Variants in ABCC11 observed in about 807,000 individuals in gnomAD.
ABCC11 encodes ATP-binding cassette sub-family C member 11.
Under a neutral mutation model 149.3 loss-of-function variants are expected in ABCC11, and 135 were observed. That is an observed-to-expected ratio of 0.90 (90% CI 0.79 to 1.04). The LOEUF (loss-of-function observed/expected upper bound fraction) is 1.04, where lower values mean the gene tolerates loss of function less well. ABCC11 is among the 50% of genes least tolerant of loss of function. The pLI, the probability that ABCC11 is intolerant of heterozygous loss-of-function variation, is 0.00. For synonymous variants in ABCC11, 665 were observed against 671.4 expected (o/e 0.99, Z 0.15); for missense variants, 1,680 against 1,722.1 (o/e 0.98, Z 0.43).
At position 48,211,154 on chromosome 16, in the gene ABCC11, G is replaced by T; in HGVS notation, c.1402C>A (p.Gln468Lys). Residue 468 changes from glutamine (Q) to lysine (K), a missense_variant, in exon 11 of 30, where the codon CAA becomes AAA. Gln to Lys is a moderately conservative substitution (Grantham distance 53, BLOSUM62 1). Coordinates refer to ENST00000356608, the MANE Select transcript of ABCC11 (RefSeq NM_001370497.1). ...ESPVFYVQTL[Q>K]DPSKALVFEE... ...AAGACCAGAGCTTTGCTGGGGTCTT[G>T]TAATGTCTGGACATAGAAAACAGGG... The T allele has an allele frequency of 6.2e-7, 1 of 1,614,178 alleles. No homozygotes were observed. The highest frequency in any genetic ancestry group is 1.1e-5 in the South Asian group (1 of 91,082).
rs374002009 is a variant in ABCC11, at chr16:48,211,028, G to T, written c.1528C>A (p.Pro510Thr). ...NGHASEGMTR[P>T]RDALGPEEEG... is the part of the protein sequence containing the mutation. The stretch of plus-strand genomic sequence containing the variant: ...TCCTCTGGCCCGAGGGCATCTCTAG[G>T]CCTGGTCATCCCCTCAGAAGCATGC... Residue 510 changes from proline to threonine, a missense_variant, in exon 11 of 30, where the codon CCT becomes ACT. Pro to Thr is a conservative substitution (Grantham distance 38). Transcript: ENST00000356608. 3.1e-6 allele frequency: 5 copies of T among 1,614,044 alleles called. No individual in the cohort carries two copies. Among genetic ancestry groups the T allele is most frequent in the Non-Finnish European group, 4.2e-6 (5 of 1,180,038 alleles).
intron 9 of ABCC11, among the ~76,000 whole-genome samples, chr16:48,213,870 G>A (rs1969120289): frequency 6.6e-6 from 1 of 152,138 alleles, no homozygotes; most frequent in Non-Finnish European, 1.5e-5. Flanking sequence ...AATAAAGTTG[G>A]GAAAAAACAA....
chr16:48,198,692 G>A (rs1056313496), intron 15 of ABCC11, among the ~76,000 whole-genome samples: 1 of 150,496 alleles, frequency 6.6e-6, no homozygotes, highest in South Asian at 2.1e-4. Context: ...TCATCTTGGA[G>A]AAATAAATTC....
intron 1 of ABCC11, among the ~76,000 whole-genome samples, chr16:48,236,282 GA>G (rs1316208051): frequency 1.3e-5 from 2 of 152,124 alleles, no homozygotes; most frequent in Non-Finnish European, 2.9e-5. Flanking sequence ...TATCTGACAA[GA>G]ATATTCTCCT....
At chr16:48,236,656 A>G (rs1040702023) in intron 1 of ABCC11, among the ~76,000 whole-genome samples, 1 of 152,236 alleles carries the variant, frequency 6.6e-6, no homozygotes, top group Non-Finnish European at 1.5e-5. Flanking sequence ...AAAGCCACAC[A>G]GTCACGAAAG....
rs1247908688 is a variant in ABCC11 at position 48,222,775 on chromosome 16, G to A, written c.600C>T (p.Val200=). The part of the protein sequence containing the change: ...EYSEEQLGNV[V]HGVGLCFALF... ...GGGCAAAGCAGAGTCCCACTCCATG[G>A]ACAACATTCCCCAACTGCTCTTCTG... The change falls in exon 6 of 30, where the codon GTC becomes GTT. Residue 200 remains valine, a synonymous_variant. Transcript: ENST00000356608. The A allele has an allele frequency of 2.5e-6, 4 of 1,614,178 alleles. No homozygotes were observed. Among genetic ancestry groups the A allele is most frequent in the Middle Eastern group, 1.6e-4 (1 of 6,062 alleles).
intron 12 of ABCC11, among the ~76,000 whole-genome samples, chr16:48,206,513 T>C (rs1968464176): frequency 6.6e-6 from 1 of 152,240 alleles, no homozygotes; most frequent in African/African-American, 2.4e-5. Flanking sequence ...TGGGACCTCA[T>C]CATTCTTAAT....
intron 1 of ABCC11, among the ~76,000 whole-genome samples, chr16:48,236,085 T>C (rs982325130): frequency 7.9e-5 from 12 of 152,214 alleles, no homozygotes; most frequent in African/African-American, 2.9e-4. Flanking sequence ...TAGATCTTAC[T>C]CCTCCTGTAC....
Position 48,200,392 on chromosome 16 carries a change from G to A in ABCC11, c.1966C>T (p.Leu656=). The part of the protein sequence containing the change: ...RAVYSDRQIY[L]LDDPLSAVDA... ...ACAGCAGACAGGGGGTCGTCCAGCAGGTAGATCTGACGGTCGGAATAGACG... is the reference window on the plus strand; with the variant it reads ...ACAGCAGACAGGGGGTCGTCCAGCAAGTAGATCTGACGGTCGGAATAGACG... Residue 656 remains leucine, a synonymous_variant, in exon 15 of 30, where the codon CTG becomes TTG. Coordinates refer to ENST00000356608, the MANE Select transcript of ABCC11 (RefSeq NM_001370497.1). The A allele has an allele frequency of 6.2e-7, 1 of 1,614,262 alleles. No homozygotes were observed. The highest frequency in any genetic ancestry group is 8.5e-7 in the Non-Finnish European group (1 of 1,180,038).
At chr16:48,194,116 G>T in intron 18 of ABCC11, 134 bp from the exon 19 acceptor site, 1 of 601,470 alleles carries the variant, frequency 1.7e-6, no homozygotes, top group Non-Finnish European at 2.9e-6. Context: ...CACCTTGGAG[G>T]AATGGGAAGA....
chr16:48,180,862 C>T (rs550992032), intron 23 of ABCC11, among the ~76,000 whole-genome samples: 4 of 152,124 alleles, frequency 2.6e-5, no homozygotes, highest in Non-Finnish European at 5.9e-5. Context: ...GGAACTGAGA[C>T]GTTATTACCA....
At chr16:48,194,106 C>T in intron 18 of ABCC11, 124 bp from the exon 19 acceptor site, 1 of 652,326 alleles carries the variant, frequency 1.5e-6, no homozygotes, top group East Asian at 2.8e-5. Flanking sequence ...CCAATGTGGA[C>T]ACCTTGGAGG....
At chr16:48,170,069 TG>T in intron 28 of ABCC11, 35 bp downstream of exon 28, 4 of 1,573,550 alleles carry the variant, frequency 2.5e-6, no homozygotes, top group Non-Finnish European at 3.5e-6. Flanking sequence ...GCGTAGTCTG[TG>T]GCTTCCCCTG....
intron 3 of ABCC11, among the ~76,000 whole-genome samples, chr16:48,229,453 CTTTTTTTTTTT>C (rs940739382): frequency 1.7e-5 from 2 of 119,094 alleles, no homozygotes; most frequent in Non-Finnish European, 3.4e-5. Flanking sequence ...AGGCTGGTAA[CTTTTTTTTTTT>C]TTTTTTTTTT....
chr16:48,244,498 G>T, intron 1 of ABCC11: 1 of 1,596,564 alleles, frequency 6.3e-7, no homozygotes, highest in Non-Finnish European at 8.5e-7. Context: ...GACTCGGCCC[G>T]CAACCTGCAG....
At chr16:48,172,427 C>CTT (rs566472502) in intron 26 of ABCC11, among the ~76,000 whole-genome samples, 81 of 137,456 alleles carry the variant, frequency 5.9e-4, no homozygotes, top group African/African-American at 1.9e-3. Context: ...CTATGTTTAA[C>CTT]TTTTTTTTTT....
At position 48,196,313 on chromosome 16, in the gene ABCC11, G is replaced by T; in HGVS notation, c.2323C>A (p.His775Asn). 1.9e-6 allele frequency: 3 copies of T among 1,614,022 alleles called. No homozygotes were observed. The highest frequency in any genetic ancestry group is 2.5e-6 in the Non-Finnish European group (3 of 1,179,950). ...ESLNGNAVPE[H>N]QLTQEEEMEE... ...ATCTCCTCCTCCTGTGTGAGCTGAT[G>T]CTCCGGCACTGGGTCAGGGTAGAAG... The change falls in exon 18 of 30, where the codon CAT (histidine) becomes AAT (asparagine). Residue 775 changes from histidine to asparagine, a missense_variant. Coordinates refer to ENST00000356608, the MANE Select transcript of ABCC11 (RefSeq NM_001370497.1).
At position 48,211,219 on chromosome 16, in the gene ABCC11, TA is replaced by T; in HGVS notation, c.1357-21del. ...AAACTTCTGTAAAGACAGAAAAAAA[TA>T]GAGGGAGGAGGAATACAGTTCTTTA... is the stretch of plus-strand genomic sequence containing the variant. On this transcript the variant is annotated intron_variant, in intron 10 of 29. Coordinates refer to ENST00000356608, the MANE Select transcript of ABCC11 (RefSeq NM_001370497.1). 6.2e-7 allele frequency: 1 copy of T among 1,610,244 alleles called. No homozygotes were observed. The highest frequency in any genetic ancestry group is 8.5e-7 in the Non-Finnish European group (1 of 1,178,592).
chr16:48,238,313 T>C (rs1351490886), intron 1 of ABCC11, among the ~76,000 whole-genome samples: 1 of 152,210 alleles, frequency 6.6e-6, no homozygotes, highest in African/African-American at 2.4e-5. Flanking sequence ...CACAGTTCTG[T>C]CTGCCCTACC....
Sources: allele counts gnomAD v4.1 joint callset (sites outside exome capture counted in the v4.1 genomes callset), GRCh38; gene constraint gnomAD v4.1.1; transcripts MANE v1.5; gene names NCBI Gene and HGNC (gene_info 2026-07-23, HGNC 2026-07-21).